The following BPIFB2 variants were observed in gnomAD, a reference collection of about 807,000 sequenced individuals.
The protein encoded by BPIFB2 is BPI fold containing family B member 2.
In BPIFB2, 39 loss-of-function variants were observed where a neutral mutation model predicts 50.1. That is an observed-to-expected ratio of 0.78 (90% CI 0.60 to 1.02). The LOEUF is 1.02. Among genes scored for constraint, BPIFB2 ranks in the 50% least tolerant of loss-of-function variants. BPIFB2 has a pLI of 0.00. For synonymous variants in BPIFB2, 280 were observed against 256.3 expected (o/e 1.09, Z -0.88); for missense variants, 574 against 585.8 (o/e 0.98, Z 0.21).
chr20:33,021,588 C>A, intron 14 of BPIFB2, 135 bp from the exon 15 acceptor site: 1 of 977,028 alleles, frequency 1.0e-6, no homozygotes, highest in Non-Finnish European at 1.6e-6. Context: ...CCCAGCTTCC[C>A]CTTCTGTAAA....
At chr20:33,012,979 G>A (rs905855735) in intron 4 of BPIFB2, 72 bp downstream of exon 4, 23 of 1,332,484 alleles carry the variant, frequency 1.7e-5, no homozygotes, top group Non-Finnish European at 1.5e-5. Flanking sequence ...GAGGGGACGG[G>A]GGGTAGCAAC....
In BPIFB2 at chr20:33,020,404, G is replaced by A; in HGVS notation, c.1148+9G>A. ...ACCACGTCTGTGCTGGGGTAAACGA[G>A]CCCACCTGGACCCAGCAGCCTCAGT... On this transcript the variant is annotated intron_variant, in intron 12 of 15. Coordinates refer to ENST00000170150, the MANE Select transcript of BPIFB2 (RefSeq NM_025227.3). 6.2e-7 allele frequency: 1 copy of A among 1,613,904 alleles called. No individual in the cohort carries two copies. The highest frequency in any genetic ancestry group is 8.5e-7 in the Non-Finnish European group (1 of 1,179,862).
At chr20:33,023,093 C>T in intron 15 of BPIFB2, among the ~76,000 whole-genome samples, 1 of 152,158 alleles carries the variant, frequency 6.6e-6, no homozygotes, top group East Asian at 1.9e-4. Flanking sequence ...TCAGTGGTAT[C>T]CACCATCGGA....
rs183239149 is a variant in BPIFB2 at position 33,011,561 on chromosome 20, C to T, written c.203+444C>T. Among the ~76,000 whole-genome samples, 17 of 152,316 alleles carry T rather than the reference C, an allele frequency of 1.1e-4. No homozygotes were observed. The East Asian group carries it at 3.3e-3, about 29-fold the overall frequency. ...GTGGAGCATCCCAAACTTAGACACCCCTGGGCTGGTCAACAGTCACCTTCC... is the reference window on the plus strand; with the variant it reads ...GTGGAGCATCCCAAACTTAGACACCTCTGGGCTGGTCAACAGTCACCTTCC... On this transcript the variant is annotated intron_variant, in intron 3 of 15. Transcript: ENST00000170150.
In BPIFB2 at chr20:33,019,125, G is replaced by A. The variant is rs771593246; in HGVS notation, c.909+10G>A. Reference sequence around the variant, plus strand: ...CCGGCTCATCCCGGAGGTCGGTGATGTTTCTGATCATTCCAGGGACTGAGA... The same window carrying A: ...CCGGCTCATCCCGGAGGTCGGTGATATTTCTGATCATTCCAGGGACTGAGA... On this transcript the variant is annotated intron_variant, in intron 10 of 15. Coordinates refer to ENST00000170150, the MANE Select transcript of BPIFB2 (RefSeq NM_025227.3). The A allele has an allele frequency of 8.1e-6, 13 of 1,613,998 alleles. No homozygotes were observed. Among genetic ancestry groups the A allele is most frequent in the South Asian group, 6.6e-5 (6 of 91,078 alleles).
chr20:33,011,744 C>T (rs1990291645), intron 3 of BPIFB2, among the ~76,000 whole-genome samples: 1 of 152,126 alleles, frequency 6.6e-6, no homozygotes, highest in South Asian at 2.1e-4. Flanking sequence ...TTTGGGAGGC[C>T]GAGGTGGGTG....
intron 15 of BPIFB2, among the ~76,000 whole-genome samples, chr20:33,022,114 T>A (rs1207568037): frequency 6.6e-6 from 1 of 152,196 alleles, no homozygotes; most frequent in East Asian, 1.9e-4. Flanking sequence ...CCTTCCACTT[T>A]GTAGACAAAC....
chr20:33,023,300 G>A (rs550532174), intron 15 of BPIFB2, 42 bp from the exon 16 acceptor site: 3 of 1,598,622 alleles, frequency 1.9e-6, no homozygotes, highest in South Asian at 2.2e-5. Flanking sequence ...GGTCCTGCCT[G>A]TGCCTCCTCT....
rs146661695 is a variant in BPIFB2 at position 33,017,079 on chromosome 20, A to G, written c.554A>G (p.Asn185Ser). Residue 185 changes from asparagine (N) to serine (S), a missense_variant, in exon 7 of 16, where the codon AAT (asparagine) becomes AGT (serine). Physicochemically the swap from Asn to Ser is conservative, Grantham distance 46. Transcript: ENST00000170150. ...LSISNLVQGV[N>S]VHLGTLIGLN... The stretch of plus-strand genomic sequence containing the variant: ...ATCTCCAACCTGGTGCAGGGTGTCA[A>G]TGTCCACCTGGGCACCTTAATTGGT... 3.6e-4 allele frequency: 577 copies of G among 1,614,074 alleles called. No homozygotes were observed. Among genetic ancestry groups the G allele is most frequent in the Non-Finnish European group, 4.5e-4 (529 of 1,179,998 alleles).
chr20:33,017,774 G>GTGTGTGCGTACGTGTGAGTGTGCA (rs1568978412), intron 7 of BPIFB2, among the ~76,000 whole-genome samples: 2 of 152,212 alleles, frequency 1.3e-5, no homozygotes, highest in African/African-American at 2.4e-5. Context: ...CTGCGTGTGC[G>GTGTGTGCGTACGTGTGAGTGTGCA]TGTGTGCGTA....
At position 33,020,543 on chromosome 20, in the gene BPIFB2, G is replaced by T; in HGVS notation, c.1150G>T (p.Asp384Tyr). The T allele has an allele frequency of 6.2e-7, 1 of 1,608,624 alleles. No homozygotes were observed. The stretch of plus-strand genomic sequence containing the variant: ...TGAATTCTCCTGCTTCTCTTTCAGG[G>T]ATGTCCAGCTCACGGTGGCCTCCTC... ...KLQGTTSVLG[D>Y]VQLTVASSNV... is the part of the protein sequence containing the mutation. The change falls in exon 13 of 16, where the codon GAT (aspartate) becomes TAT (tyrosine). Residue 384 changes from aspartate to tyrosine, a missense_variant and splice_region_variant. Asp to Tyr is a radical substitution (Grantham distance 160, BLOSUM62 -3). Transcript: ENST00000170150.
In BPIFB2 at chr20:33,011,412, C is replaced by T. The variant is rs6059014; in HGVS notation, c.203+295C>T. On this transcript the variant is annotated intron_variant, in intron 3 of 15. Transcript: ENST00000170150. ...TGCCCTCAAGGGCTAAGAGTGGCTC[C>T]TGGGTCCCCAGGGCTGGCAGGACCC... 8.2e-3 allele frequency among the ~76,000 whole-genome samples: 1,246 copies of T among 152,346 alleles called. 18 individuals carry two copies. The highest frequency in any genetic ancestry group is 0.028 in the African/African-American group (1,177 of 41,574).
In BPIFB2 at chr20:33,023,476, A is replaced by G. The variant is rs537887851; in HGVS notation, c.*93A>G. ...ACTGGGGAAACTGAGGCAAAACCAT[A>G]CTTAGTCATCACCAACAAGCTGGAC... On this transcript the variant is annotated 3_prime_UTR_variant, in exon 16 of 16. Transcript: ENST00000170150. 76 of 1,445,478 alleles carry G rather than the reference A, an allele frequency of 5.3e-5. No homozygotes were observed. Among genetic ancestry groups the G allele is most frequent in the Admixed American group, 4.8e-4 (28 of 58,454 alleles). The allele number at this position is 1,445,478 out of a possible 1,614,324, so 89.5% of individuals were successfully genotyped here. A position where few individuals can be genotyped will look rare whatever the true frequency, so the allele number is the denominator to read the frequency against.
At chr20:33,018,879 C>A in intron 9 of BPIFB2, 57 bp downstream of exon 9, 3 of 1,577,510 alleles carry the variant, frequency 1.9e-6, no homozygotes, top group Non-Finnish European at 2.6e-6. Context: ...TGTGGCCCAG[C>A]CTAGGGAGAC....
Position 33,020,554 on chromosome 20 carries a change from C to G in BPIFB2, c.1161C>G (p.Leu387=). Residue 387 remains leucine, a synonymous_variant, in exon 13 of 16, where the codon CTC becomes CTG. Transcript: ENST00000170150. ...GCTTCTCTTTCAGGGATGTCCAGCT[C>G]ACGGTGGCCTCCTCCAACGTGGGCT... The part of the protein sequence containing the change: ...GTTSVLGDVQ[L]TVASSNVGFI... 1 of 1,609,262 alleles carries G rather than the reference C, an allele frequency of 6.2e-7. No individual in the cohort carries two copies. Among genetic ancestry groups the G allele is most frequent in the African/African-American group, 1.3e-5 (1 of 74,978 alleles).
chr20:33,014,041 T>C, intron 5 of BPIFB2, 85 bp downstream of exon 5: 4 of 1,504,008 alleles, frequency 2.7e-6, no homozygotes, highest in Non-Finnish European at 3.6e-6. Context: ...CTCAGGACTT[T>C]AACCAATGGC....
Position 33,023,502 on chromosome 20 carries a change from T to G in BPIFB2, c.*119T>G. 8.1e-7 allele frequency: 1 copy of G among 1,232,856 alleles called. No individual in the cohort carries two copies. The highest frequency in any genetic ancestry group is 2.4e-5 in the East Asian group (1 of 41,960). 76.4% of individuals were successfully genotyped at this position (1,232,856 alleles called of 1,614,324 possible). On this transcript the variant is annotated 3_prime_UTR_variant, in exon 16 of 16. Coordinates refer to ENST00000170150, the MANE Select transcript of BPIFB2 (RefSeq NM_025227.3). Reference sequence around the variant, plus strand: ...CTTAGTCATCACCAACAAGCTGGACTGCTTAGCTGGGCTGTTTTATCTTCC... The same window carrying G: ...CTTAGTCATCACCAACAAGCTGGACGGCTTAGCTGGGCTGTTTTATCTTCC...
rs1990259363 is a variant in BPIFB2, at chr20:33,009,579, G to A, written c.109+896G>A. Among the ~76,000 whole-genome samples, 1 of 152,170 alleles carries A rather than the reference G, an allele frequency of 6.6e-6. No homozygotes were observed. The highest frequency in any genetic ancestry group is 1.5e-5 in the Non-Finnish European group (1 of 68,024). ...AAGTAGCAGGTTTCCCCCACCCCTG[G>A]GTAAACACAGCCTTCCGGGACCTCA... On this transcript the variant is annotated intron_variant, in intron 2 of 15. Transcript: ENST00000170150. This position sits in a 1 kb window ranked among gnomAD's most constrained non-coding sequence, Gnocchi z 4.2.
intron 14 of BPIFB2, 33 bp from the exon 15 acceptor site, chr20:33,021,690 A>G: frequency 6.2e-7 from 1 of 1,606,356 alleles, no homozygotes; most frequent in East Asian, 2.2e-5. Flanking sequence ...GGCTGGCTCC[A>G]GGGGACGATC....
Sources: gnomAD v4.1 joint callset for allele counts (sites outside exome capture counted in the v4.1 genomes callset) on GRCh38, gnomAD v4.1.1 for gene constraint, Gnocchi (gnomAD v3.1) non-coding constraint, MANE v1.5 for transcripts, NCBI Gene and HGNC (gene_info 2026-07-23, HGNC 2026-07-21) for gene names.